The following ADCY5 variants were observed in gnomAD, a reference collection of about 807,000 sequenced individuals.
ADCY5 encodes the protein adenylate cyclase 5.
In ADCY5, 30 loss-of-function variants were observed where a neutral mutation model predicts 119.7. The ratio of observed to expected loss-of-function variants is 0.25; its 90% confidence interval spans 0.19 to 0.34. The LOEUF (loss-of-function observed/expected upper bound fraction) is 0.34. Ranked by LOEUF, ADCY5 falls within the 10% of genes least tolerant of loss-of-function variation. The pLI is 1.00. For missense variants in ADCY5, 1,324 were observed against 1,775.2 expected, an observed-to-expected ratio of 0.75 and a Z score of 4.57; for synonymous variants, 753 against 762.2, an observed-to-expected ratio of 0.99 and a Z score of 0.20.
Position 123,414,490 on chromosome 3 carries a change from A to G in ADCY5, c.1134+32922T>C, listed in dbSNP as rs541531224. ...CAGGACTAAACACCAGGGGATGAGG[A>G]GCTCCCACTCAGGGGAGAGAAAGCA... On this transcript the variant is annotated intron_variant, in intron 1 of 20. Transcript: ENST00000462833. Among the ~76,000 whole-genome samples, 8 of 152,270 alleles carry G rather than the reference A, an allele frequency of 5.3e-5. No homozygotes were observed. The East Asian group carries it at 1.5e-3, about 29-fold the overall frequency.
intron 11 of ADCY5, among the ~76,000 whole-genome samples, chr3:123,315,316 G>A (rs559343283): frequency 2.6e-5 from 4 of 152,320 alleles, no homozygotes; most frequent in Admixed American, 6.5e-5. Flanking sequence ...CAAGGGAAAC[G>A]AATTCTCTTC....
rs549165050 is a variant in ADCY5, at chr3:123,395,149, A to G, written c.1135-42568T>C. Among the ~76,000 whole-genome samples the G allele has an allele frequency of 9.2e-5, 14 of 152,330 alleles. No homozygotes were observed. The South Asian group carries it at 2.9e-3, about 32-fold the overall frequency. Reference sequence around the variant, plus strand: ...TCAGAGGGCTGACCCCTTCAGGCCAATGCCCAGACCCAGAGGGGAATGTCA... The same window carrying G: ...TCAGAGGGCTGACCCCTTCAGGCCAGTGCCCAGACCCAGAGGGGAATGTCA... On this transcript the variant is annotated intron_variant, in intron 1 of 20. Coordinates refer to ENST00000462833, the MANE Select transcript of ADCY5 (RefSeq NM_183357.3).
intron 17 of ADCY5, 46 bp downstream of exon 17, chr3:123,296,038 G>A (rs751096975): frequency 3.1e-6 from 5 of 1,605,266 alleles, no homozygotes; most frequent in Non-Finnish European, 4.3e-6. Context: ...TCCGCCACCT[G>A]CTCCCAAATG....
At chr3:123,400,177 G>A (rs1249269145) in intron 1 of ADCY5, among the ~76,000 whole-genome samples, 3 of 152,180 alleles carry the variant, frequency 2.0e-5, no homozygotes, top group African/African-American at 7.2e-5. Flanking sequence ...CAGAATCTGT[G>A]GGTCTGGGGT....
At chr3:123,361,700 T>C (rs2107503961) in intron 1 of ADCY5, among the ~76,000 whole-genome samples, 1 of 152,330 alleles carries the variant, frequency 6.6e-6, no homozygotes. Context: ...GTGTTTCATA[T>C]TTTGGATTTT....
chr3:123,296,480 C>T (rs150388339), intron 16 of ADCY5, among the ~76,000 whole-genome samples: 244 of 152,298 alleles, frequency 1.6e-3, no homozygotes, highest in African/African-American at 5.7e-3. Flanking sequence ...CCCCATCACT[C>T]GGGAGCTCCC....
rs1304747212 is a variant in ADCY5 at position 123,283,221 on chromosome 3, G to C, written c.*1387C>G. 2 of 152,184 alleles carry C rather than the reference G, an allele frequency of 1.3e-5. No individual in the cohort carries two copies. The highest frequency in any genetic ancestry group is 4.8e-5 in the African/African-American group (2 of 41,442). 9.4% of individuals were successfully genotyped at this position (152,184 alleles called of 1,614,324 possible). A position where few individuals can be genotyped will look rare whatever the true frequency, so the allele number is the denominator to read the frequency against. ...AGAGCCACCTGCACCTTGGCCAACT[G>C]AGTAGGCCAGGGAGGCTTGGCTTCC... On this transcript the variant is annotated 3_prime_UTR_variant, in exon 21 of 21. Transcript: ENST00000462833.
intron 3 of ADCY5, among the ~76,000 whole-genome samples, chr3:123,334,109 T>C (rs995485160): frequency 1.6e-4 from 25 of 152,278 alleles, no homozygotes; most frequent in African/African-American, 6.0e-4. Flanking sequence ...CCTGAATTTA[T>C]TTTTCTTAAA....
chr3:123,290,983 C>T, intron 18 of ADCY5, 130 bp downstream of exon 18: 1 of 1,269,072 alleles, frequency 7.9e-7, no homozygotes, highest in South Asian at 1.6e-5. Context: ...TTCCCGCCGG[C>T]AGAGCTCCCA....
At chr3:123,341,378 A>C (rs1405566146) in intron 3 of ADCY5, among the ~76,000 whole-genome samples, 1 of 152,224 alleles carries the variant, frequency 6.6e-6, no homozygotes, top group Non-Finnish European at 1.5e-5. Flanking sequence ...GCCAGTCACA[A>C]AAAGCACAAA....
At position 123,447,937 on chromosome 3, in the gene ADCY5, C is replaced by A. The variant is rs1559882938; in HGVS notation, c.609G>T (p.Leu203=). The A allele has an allele frequency of 6.3e-7, 1 of 1,578,346 alleles. No homozygotes were observed. The highest frequency in any genetic ancestry group is 1.8e-5 in the Admixed American group (1 of 56,110). Residue 203 remains leucine, a synonymous_variant, in exon 1 of 21, where the codon CTG becomes CTT. Coordinates refer to ENST00000462833, the MANE Select transcript of ADCY5 (RefSeq NM_183357.3). The part of the protein sequence containing the change: ...SGSGAGPGAV[L]SLGACCLALL... Reference sequence around the variant, plus strand: ...ACGCCAGGCAGCAGGCGCCCAGGGACAGCACCGCGCCGGGCCCCGCGCCCG... The same window carrying A: ...ACGCCAGGCAGCAGGCGCCCAGGGAAAGCACCGCGCCGGGCCCCGCGCCCG...
chr3:123,284,253 C>T lies in ADCY5; in HGVS notation c.*355G>A. ...GTCTACCCCCAGCTGAGTCGGAGGC[C>T]CCTCAGCCCTGCCCTTGTCTGGGCC... On this transcript the variant is annotated 3_prime_UTR_variant, in exon 21 of 21. Transcript: ENST00000462833. 4.8e-6 allele frequency: 1 copy of T among 208,172 alleles called. No individual in the cohort carries two copies. Among genetic ancestry groups the T allele is most frequent in the Admixed American group, 5.3e-5 (1 of 18,706 alleles). 12.9% of individuals were successfully genotyped at this position (208,172 alleles called of 1,614,324 possible). A position where few individuals can be genotyped will look rare whatever the true frequency, so the allele number is the denominator to read the frequency against.
intron 1 of ADCY5, among the ~76,000 whole-genome samples, chr3:123,396,081 A>G (rs1333128474): frequency 1.1e-5 from 1 of 94,854 alleles, no homozygotes; most frequent in Admixed American, 1.1e-4. Flanking sequence ...AGAGGGAGGG[A>G]GGGAAGGAGG....
chr3:123,350,808 G>A (rs1942804079), intron 2 of ADCY5, among the ~76,000 whole-genome samples: 1 of 152,220 alleles, frequency 6.6e-6, no homozygotes, highest in Non-Finnish European at 1.5e-5. Context: ...AGGAAACTGT[G>A]GCAAGCTGTA....
Position 123,303,403 on chromosome 3 carries a change from G to A in ADCY5, c.2560-184C>T, listed in dbSNP as rs1301824884. On this transcript the variant is annotated intron_variant, in intron 13 of 20. Transcript: ENST00000462833. ...AGTCTGCCCAGCTGTCCTGGCTGGA[G>A]GGGGTGTGGCTAGCATGCCCTCCCA... Among the ~76,000 whole-genome samples, 5 of 152,174 alleles carry A rather than the reference G, an allele frequency of 3.3e-5. No individual in the cohort carries two copies. The East Asian group carries it at 9.6e-4, about 29-fold the overall frequency.
At chr3:123,446,188 T>G (rs1427513368) in intron 1 of ADCY5, among the ~76,000 whole-genome samples, 1 of 152,078 alleles carries the variant, frequency 6.6e-6, no homozygotes, top group Non-Finnish European at 1.5e-5. Flanking sequence ...AGTGCTATTC[T>G]CTATGGAAGA....
Position 123,327,774 on chromosome 3 carries a change from G to A in ADCY5, c.1806-15C>T, listed in dbSNP as rs1941566799. On this transcript the variant is annotated splice_polypyrimidine_tract_variant and intron_variant, in intron 6 of 20. Coordinates refer to ENST00000462833, the MANE Select transcript of ADCY5 (RefSeq NM_183357.3). The stretch of plus-strand genomic sequence containing the variant: ...TGTGGATGCGTCTACAGGGGGGCAG[G>A]GATCAGGGTGGAGAGGGCAGAAAAC... 5 of 1,613,584 alleles carry A rather than the reference G, an allele frequency of 3.1e-6. No individual in the cohort carries two copies. The highest frequency in any genetic ancestry group is 4.2e-6 in the Non-Finnish European group (5 of 1,179,734).
intron 8 of ADCY5, among the ~76,000 whole-genome samples, chr3:123,321,712 ACAC>A (rs1412046033): frequency 6.6e-6 from 1 of 152,170 alleles, no homozygotes; most frequent in African/African-American, 2.4e-5. Flanking sequence ...CCAAATGAAC[ACAC>A]CACTCTTCAT....
Position 123,448,349 on chromosome 3 carries a change from T to G in ADCY5, c.197A>C (p.Gln66Pro), listed in dbSNP as rs1945868637. Residue 66 changes from glutamine (Q) to proline (P), a missense_variant, in exon 1 of 21, where the codon CAG (glutamine) becomes CCG (proline). Physicochemically the swap from Gln to Pro is moderately conservative, Grantham distance 76. This residue lies in a region of ADCY5 where 585 missense variants were observed against 569.9 expected (regional missense o/e 1.03). Transcript: ENST00000462833. The part of the protein sequence containing the change: ...KPGGAVTPQQ[Q>P]QRLASRWRSD... ...GCGCCAGCGGCTGGCCAGGCGCTGC[T>G]GCTGCTGCGGGGTCACCGCCCCCCC... 2 of 1,522,420 alleles carry G rather than the reference T, an allele frequency of 1.3e-6. No individual in the cohort carries two copies. Among genetic ancestry groups the G allele is most frequent in the Non-Finnish European group, 1.7e-6 (2 of 1,145,662 alleles). The allele number at this position is 1,522,420 out of a possible 1,614,324, so 94.3% of individuals were successfully genotyped here. A position where few individuals can be genotyped will look rare whatever the true frequency, so the allele number is the denominator to read the frequency against.
Sources: gnomAD v4.1 joint callset for allele counts (sites outside exome capture counted in the v4.1 genomes callset) on GRCh38, gnomAD v4.1.1 for gene constraint, gnomAD v4.1.1 regional missense constraint, MANE v1.5 for transcripts, NCBI Gene and HGNC (gene_info 2026-07-23, HGNC 2026-07-21) for gene names.